Variants in TRPS1 observed in about 807,000 individuals in gnomAD.
TRPS1 encodes zinc finger transcription factor Trps1.
TRPS1 carries 6 observed loss-of-function variants against 101.2 expected under a neutral mutation model. That is an observed-to-expected ratio of 0.06 (90% CI 0.03 to 0.12). TRPS1 has a LOEUF of 0.12. TRPS1 is among the 10% of genes least tolerant of loss of function. TRPS1 has a pLI of 1.00. For synonymous variants in TRPS1, 578 were observed against 589.8 expected (o/e 0.98, Z 0.29); for missense variants, 1,363 against 1,567.0 (o/e 0.87, Z 2.20).
At chr8:115,474,889 A>G (rs1158728974) in intron 5 of TRPS1, among the ~76,000 whole-genome samples, 2 of 152,118 alleles carry the variant, frequency 1.3e-5, no homozygotes, top group African/African-American at 4.8e-5. Flanking sequence ...GTAGCAAACC[A>G]TGATGGTGCA....
Position 115,668,028 on chromosome 8 carries a change from A to AGCGAGGGGGAGTGGGGCT in TRPS1, c.-122+499_-122+516dup, listed in dbSNP as rs1811970071. 6.0e-5 allele frequency: 48 copies of AGCGAGGGGGAGTGGGGCT among 796,090 alleles called. No homozygotes were observed. In the South Asian group the frequency reaches 7.0e-4, roughly 12 times the overall value. 49.3% of individuals were successfully genotyped at this position (796,090 alleles called of 1,614,324 possible). ...GAATTAAAATCAGCCAGAAAGAGACAGCGAGGGGGAGTGGGGCTGCGAGGG... is the reference window on the plus strand; with the variant it reads ...GAATTAAAATCAGCCAGAAAGAGACAGCGAGGGGGAGTGGGGCTGCGAGGGGGAGTGGGGCTGCGAGGG... On this transcript the variant is annotated intron_variant, in intron 1 of 6. Coordinates refer to ENST00000395715, the MANE Select transcript of TRPS1 (RefSeq NM_014112.5).
chr8:115,667,824 G>C, intron 1 of TRPS1: 6 of 1,534,838 alleles, frequency 3.9e-6, no homozygotes, highest in Non-Finnish European at 5.2e-6. Flanking sequence ...AGACCATACG[G>C]AGGCCCGTCT....
intron 5 of TRPS1, among the ~76,000 whole-genome samples, chr8:115,502,081 G>A (rs185788679): frequency 6.6e-6 from 1 of 152,092 alleles, no homozygotes; most frequent in East Asian, 1.9e-4. Flanking sequence ...CATCCTATAT[G>A]GTTTAAAAGT....
Position 115,620,040 on chromosome 8 carries a change from G to C in TRPS1, c.58C>G (p.Pro20Ala), listed in dbSNP as rs779207294. The change falls in exon 3 of 7, where the codon CCC becomes GCC. Residue 20 changes from proline (P) to alanine (A), a missense_variant. This residue lies in a region of TRPS1 where 1,020 missense variants were observed against 1,073.0 expected (regional missense o/e 0.95). Coordinates refer to ENST00000395715, the MANE Select transcript of TRPS1 (RefSeq NM_014112.5). ...TCACTTGCAACGTTTCTCAGAGGGG[G>C]GTTCTTTTTCCGGACCATATCTGCA... Reference protein sequence around the residue: ...DFTNMVRKKNPPLRNVASEGE... With the variant: ...DFTNMVRKKNAPLRNVASEGE... 3 of 1,614,148 alleles carry C rather than the reference G, an allele frequency of 1.9e-6. No homozygotes were observed. The highest frequency in any genetic ancestry group is 3.3e-5 in the Admixed American group (2 of 60,014).
intron 5 of TRPS1, among the ~76,000 whole-genome samples, chr8:115,557,582 ATTC>A (rs1816851317): frequency 6.6e-6 from 1 of 152,034 alleles, no homozygotes; most frequent in South Asian, 2.1e-4. Flanking sequence ...TTCAGCTTTC[ATTC>A]TTCTCTCTCC....
chr8:115,624,781 T>A (rs2130546142), intron 1 of TRPS1, among the ~76,000 whole-genome samples: 1 of 151,960 alleles, frequency 6.6e-6, no homozygotes, highest in South Asian at 2.1e-4. Flanking sequence ...ATTCTAACTA[T>A]TTTATCTCAC....
chr8:115,419,017 C>T (rs1349723925), intron 5 of TRPS1, among the ~76,000 whole-genome samples: 3 of 152,112 alleles, frequency 2.0e-5, no homozygotes, highest in African/African-American at 4.8e-5. Context: ...ATTCCTCAAA[C>T]GTGAGAGGGT....
chr8:115,619,690 C>G lies in TRPS1; in HGVS notation c.408G>C (p.Glu136Asp), dbSNP rs1176675887. Residue 136 changes from glutamate to aspartate, a missense_variant, in exon 3 of 7, where the codon GAG becomes GAC. Glu to Asp is a conservative substitution (Grantham distance 45). Transcript: ENST00000395715. ...CTGCTCTTTGCGGAGACTTCAAGGG[C>G]TCACAGACTCCCCCAGCAGCTGGAG... The part of the protein sequence containing the change: ...FSSPAAGGVC[E>D]PLKSPQRAEA... 2 of 1,614,076 alleles carry G rather than the reference C, an allele frequency of 1.2e-6. No individual in the cohort carries two copies. The highest frequency in any genetic ancestry group is 2.7e-5 in the African/African-American group (2 of 74,938).
chr8:115,475,961 T>C (rs570881062), intron 5 of TRPS1, among the ~76,000 whole-genome samples: 1 of 150,698 alleles, frequency 6.6e-6, no homozygotes, highest in East Asian at 2.0e-4. Context: ...TTATCAAATA[T>C]ACAACATGCT....
chr8:115,486,139 AT>A (rs1177842762), intron 5 of TRPS1, among the ~76,000 whole-genome samples: 5 of 152,198 alleles, frequency 3.3e-5, no homozygotes, highest in African/African-American at 1.2e-4. Flanking sequence ...ACAGTGTCAC[AT>A]TTTGGTAATT....
intron 5 of TRPS1, among the ~76,000 whole-genome samples, chr8:115,419,735 G>A (rs1012692714): frequency 3.3e-5 from 5 of 152,154 alleles, no homozygotes; most frequent in Admixed American, 6.5e-5. Flanking sequence ...TTGATTCATC[G>A]GGTGTTTCAC....
chr8:115,502,075 C>T (rs1367635653), intron 5 of TRPS1, among the ~76,000 whole-genome samples: 2 of 152,000 alleles, frequency 1.3e-5, no homozygotes, highest in Non-Finnish European at 2.9e-5. Flanking sequence ...ACACATCATC[C>T]TATATGGTTT....
intron 1 of TRPS1, among the ~76,000 whole-genome samples, chr8:115,636,384 T>C (rs896176972): frequency 1.3e-5 from 2 of 152,186 alleles, no homozygotes; most frequent in African/African-American, 2.4e-5. Flanking sequence ...ATTCTTCTTA[T>C]GGGCAAGGGC....
Position 115,515,101 on chromosome 8 carries a change from T to G in TRPS1, c.2700+71900A>C. On this transcript the variant is annotated intron_variant, in intron 5 of 6. Coordinates refer to ENST00000395715, the MANE Select transcript of TRPS1 (RefSeq NM_014112.5). The stretch of plus-strand genomic sequence containing the variant: ...ACTCAAGAGAAATGAAGTAACTTTC[T>G]CAGGGTCACAGATTAAGTTGGGGAG... 5.0e-6 allele frequency: 3 copies of G among 599,912 alleles called. No individual in the cohort carries two copies. The East Asian group carries it at 8.3e-5, about 17-fold the overall frequency. 37.2% of individuals were successfully genotyped at this position (599,912 alleles called of 1,614,324 possible). A position where few individuals can be genotyped will look rare whatever the true frequency, so the allele number is the denominator to read the frequency against.
chr8:115,563,882 A>G (rs1817006501), intron 5 of TRPS1, among the ~76,000 whole-genome samples: 1 of 152,146 alleles, frequency 6.6e-6, no homozygotes, highest in Non-Finnish European at 1.5e-5. Flanking sequence ...GAGGTAAAAC[A>G]GACTCAGGAA....
intron 5 of TRPS1, among the ~76,000 whole-genome samples, chr8:115,507,291 T>C (rs921479183): frequency 6.6e-6 from 1 of 152,058 alleles, no homozygotes; most frequent in African/African-American, 2.4e-5. Flanking sequence ...CTGATTTTAC[T>C]CTGCAAAATA....
At chr8:115,425,065 T>C (rs1272895739) in intron 5 of TRPS1, among the ~76,000 whole-genome samples, 2 of 152,106 alleles carry the variant, frequency 1.3e-5, no homozygotes, top group African/African-American at 4.8e-5. Flanking sequence ...TAGATGGTGG[T>C]TTGCAATAAA....
chr8:115,610,838 C>T (rs1056948564), intron 3 of TRPS1, among the ~76,000 whole-genome samples: 5 of 151,776 alleles, frequency 3.3e-5, no homozygotes, highest in Non-Finnish European at 7.4e-5. Context: ...CTTAATAGGC[C>T]GGGGACAGTG....
At chr8:115,506,281 T>A (rs1354220474) in intron 5 of TRPS1, among the ~76,000 whole-genome samples, 2 of 151,994 alleles carry the variant, frequency 1.3e-5, no homozygotes, top group East Asian at 3.9e-4. Context: ...ACTTTTCATA[T>A]ACTGGTTATC....
Sources: gnomAD v4.1 joint callset for allele counts (sites outside exome capture counted in the v4.1 genomes callset) on GRCh38, gnomAD v4.1.1 for gene constraint, gnomAD v4.1.1 regional missense constraint, MANE v1.5 for transcripts, NCBI Gene and HGNC (gene_info 2026-07-23, HGNC 2026-07-21) for gene names.